GABRG2: variants seen among roughly 807,000 people sequenced by gnomAD.
The protein encoded by GABRG2 is gamma-aminobutyric acid receptor subunit gamma-2.
GABRG2 carries 16 observed loss-of-function variants against 56.4 expected under a neutral mutation model. The observed-to-expected ratio is 0.28, with a 90% CI of 0.19 to 0.43. The LOEUF is 0.43. Ranked by LOEUF, GABRG2 falls within the 20% of genes least tolerant of loss-of-function variation. The pLI is 1.00. For missense variants in GABRG2, 327 were observed against 582.7 expected (o/e 0.56, Z 4.52); for synonymous variants, 208 against 205.5 (o/e 1.01, Z -0.10).
intron 1 of GABRG2, among the ~76,000 whole-genome samples, chr5:162,085,488 G>A (rs1581322006): frequency 6.7e-6 from 1 of 150,224 alleles, no homozygotes; most frequent in East Asian, 2.0e-4. Flanking sequence ...CAGTTGACAT[G>A]ACTTTAGGAT....
chr5:162,088,096 G>A (rs1760270104), intron 1 of GABRG2, among the ~76,000 whole-genome samples: 1 of 152,062 alleles, frequency 6.6e-6, no homozygotes, highest in Admixed American at 6.6e-5. Flanking sequence ...GAATTTGCAT[G>A]TCCTTACTGG....
At chr5:162,130,305 A>T (rs887388383) in intron 6 of GABRG2, among the ~76,000 whole-genome samples, 1 of 151,866 alleles carries the variant, frequency 6.6e-6, no homozygotes, top group South Asian at 2.1e-4. Context: ...CCCAGGAGTG[A>T]TTTGACATCT....
chr5:162,100,582 A>C (rs1032664395), intron 4 of GABRG2, among the ~76,000 whole-genome samples: 3 of 152,212 alleles, frequency 2.0e-5, no homozygotes, highest in African/African-American at 7.2e-5. Context: ...TAAACTAATT[A>C]AGATTTACTG....
chr5:162,144,911 G>A (rs1419434584), intron 7 of GABRG2, among the ~76,000 whole-genome samples: 1 of 152,130 alleles, frequency 6.6e-6, no homozygotes, highest in Non-Finnish European at 1.5e-5. Flanking sequence ...TCAACCCCAG[G>A]AAATGCTTAT....
At position 162,142,424 on chromosome 5, in the gene GABRG2, A is replaced by C. The variant is rs12520992; in HGVS notation, c.922+108A>C. ...TGCTTTAAATTTAGCCTGCAATTGC[A>C]TAGAAATACCATTTGTTTCATATTC... On this transcript the variant is annotated intron_variant, in intron 7 of 9. Coordinates refer to ENST00000639213, the MANE Select transcript of GABRG2 (RefSeq NM_198904.4). 0.12 allele frequency: 137,124 copies of C among 1,150,928 alleles called. 9,481 individuals are homozygous for C. The highest frequency in any genetic ancestry group is 0.14 in the Non-Finnish European group (111,588 of 773,026). The allele number at this position is 1,150,928 out of a possible 1,614,324, so 71.3% of individuals were successfully genotyped here.
chr5:162,086,067 A>G (rs1261915877), intron 1 of GABRG2, among the ~76,000 whole-genome samples: 1 of 151,782 alleles, frequency 6.6e-6, no homozygotes, highest in East Asian at 1.9e-4. Flanking sequence ...TTGTTTCATT[A>G]TGGTCTAAAA....
intron 6 of GABRG2, among the ~76,000 whole-genome samples, chr5:162,139,261 C>A (rs1168698191): frequency 6.6e-6 from 1 of 152,102 alleles, no homozygotes; most frequent in East Asian, 1.9e-4. Context: ...CAGAAGTAAC[C>A]ACCTTTGACT....
intron 1 of GABRG2, among the ~76,000 whole-genome samples, chr5:162,071,417 G>T (rs1308284085): frequency 6.6e-6 from 1 of 151,470 alleles, no homozygotes; most frequent in African/African-American, 2.4e-5. Flanking sequence ...ATTTTTCAAG[G>T]ATAAATTGAG....
At chr5:162,074,894 A>G (rs941461728) in intron 1 of GABRG2, among the ~76,000 whole-genome samples, 1 of 151,050 alleles carries the variant, frequency 6.6e-6, no homozygotes, top group Non-Finnish European at 1.5e-5. Flanking sequence ...TGTAGTAGAG[A>G]TAAGAATTGG....
chr5:162,120,080 G>A (rs180857698), intron 6 of GABRG2, among the ~76,000 whole-genome samples: 217 of 152,142 alleles, frequency 1.4e-3, no homozygotes, highest in Middle Eastern at 3.4e-3. Context: ...AATAACTGGG[G>A]TTTACTTGAG....
intron 6 of GABRG2, among the ~76,000 whole-genome samples, chr5:162,105,565 G>C (rs1761749586): frequency 6.6e-6 from 1 of 150,398 alleles, no homozygotes; most frequent in African/African-American, 2.4e-5. Flanking sequence ...CAGTAGCTGG[G>C]ACTACAGGCG....
At chr5:162,067,592 CA>C (rs1306953906), upstream of GABRG2, 2 of 458,622 alleles carry the variant, frequency 4.4e-6, no homozygotes, top group Non-Finnish European at 7.6e-6. Context: ...GAAAAAAAAT[CA>C]AAACAAACAA....
At chr5:162,094,226 G>T in intron 2 of GABRG2, 1 of 472,738 alleles carries the variant, frequency 2.1e-6, no homozygotes, top group South Asian at 2.4e-5. Flanking sequence ...CATATTGCTA[G>T]ATATCTCAGA....
intron 1 of GABRG2, among the ~76,000 whole-genome samples, chr5:162,091,405 T>C (rs936241483): frequency 2.6e-5 from 4 of 152,124 alleles, no homozygotes; most frequent in African/African-American, 9.7e-5. Flanking sequence ...TGCTAAGCAC[T>C]TAAGCATTGT....
intron 1 of GABRG2, 39 bp downstream of exon 1, chr5:162,068,145 A>C: frequency 7.5e-7 from 1 of 1,340,610 alleles, no homozygotes; most frequent in Non-Finnish European, 1.1e-6. Flanking sequence ...TGTTCTGAAG[A>C]GGTGGGGGGA....
At chr5:162,145,363 C>G (rs1330008573) in intron 7 of GABRG2, among the ~76,000 whole-genome samples, 5 of 152,166 alleles carry the variant, frequency 3.3e-5, no homozygotes, top group African/African-American at 1.2e-4. Context: ...GGTGAGGTAA[C>G]ATCCCTGAAG....
intron 1 of GABRG2, among the ~76,000 whole-genome samples, chr5:162,072,449 T>C (rs3797863): frequency 0.087 from 13,272 of 152,100 alleles, 905 homozygotes; most frequent in East Asian, 0.22. Flanking sequence ...TTGGAGATTG[T>C]TTGACCACTG....
At chr5:162,074,887 A>G (rs1174598220) in intron 1 of GABRG2, among the ~76,000 whole-genome samples, 1 of 151,560 alleles carries the variant, frequency 6.6e-6, no homozygotes, top group African/African-American at 2.4e-5. Flanking sequence ...TTGTATTTGT[A>G]GTAGAGATAA....
intron 1 of GABRG2, among the ~76,000 whole-genome samples, chr5:162,087,945 G>A (rs1760256592): frequency 6.6e-6 from 1 of 152,108 alleles, no homozygotes; most frequent in Non-Finnish European, 1.5e-5. Context: ...AACAGGATGT[G>A]AGGTGAGAAA....
Sources: allele counts gnomAD v4.1 joint callset (sites outside exome capture counted in the v4.1 genomes callset), GRCh38; gene constraint gnomAD v4.1.1; transcripts MANE v1.5; gene names NCBI Gene and HGNC (gene_info 2026-07-23, HGNC 2026-07-21).